HMCN2: variants seen among roughly 807,000 people sequenced by gnomAD.
HMCN2 encodes hemicentin 2.
A neutral mutation model predicts 377.5 loss-of-function variants in HMCN2; 325 were observed. The observed-to-expected ratio is 0.86, with a 90% CI of 0.79 to 0.94. The LOEUF (loss-of-function observed/expected upper bound fraction) is 0.94, where lower values mean the gene tolerates loss of function less well. Ranked by LOEUF, HMCN2 falls within the 40% of genes least tolerant of loss-of-function variation. HMCN2 has a pLI of 0.00. For synonymous variants in HMCN2, 2,007 were observed against 2,046.8 expected, an observed-to-expected ratio of 0.98 and a Z score of 0.53; for missense variants, 4,543 against 4,725.3, an observed-to-expected ratio of 0.96 and a Z score of 1.13.
intron 14 of HMCN2, among the ~76,000 whole-genome samples, chr9:130,307,819 T>C (rs1836969911): frequency 6.6e-6 from 1 of 152,208 alleles, no homozygotes; most frequent in South Asian, 2.1e-4. Context: ...CCGGCTTCCC[T>C]GGGTGACCCT....
intron 1 of HMCN2, among the ~76,000 whole-genome samples, chr9:130,270,291 G>GT (rs1257016426): frequency 3.2e-4 from 21 of 64,964 alleles, no homozygotes; most frequent in African/African-American, 9.8e-4. Flanking sequence ...TTGTTTGTTT[G>GT]TTTGTTTTTT....
chr9:130,427,204 C>G, intron 90 of HMCN2, 109 bp from the exon 91 acceptor site: 3 of 1,192,776 alleles, frequency 2.5e-6, no homozygotes, highest in Non-Finnish European at 3.6e-6. Context: ...CGTCTTGGCT[C>G]TGCCTGGCTA....
intron 4 of HMCN2, among the ~76,000 whole-genome samples, chr9:130,293,740 CATG>C (rs1835942343): frequency 6.6e-6 from 1 of 152,208 alleles, no homozygotes; most frequent in African/African-American, 2.4e-5. Context: ...CTGAGACACA[CATG>C]GGCACAGCAG....
chr9:130,309,549 A>G lies in HMCN2; in HGVS notation c.2201-363A>G, dbSNP rs563499938. Among the ~76,000 whole-genome samples the G allele has an allele frequency of 1.3e-4, 20 of 151,638 alleles. No individual in the cohort carries two copies. In the East Asian group the frequency reaches 3.7e-3, roughly 28 times the overall value. On this transcript the variant is annotated intron_variant, in intron 14 of 97. Coordinates refer to ENST00000683500, the MANE Select transcript of HMCN2 (RefSeq NM_001291815.2). ...AAAAAAAAAAAAAAGGAAAAAAAAG[A>G]AAAATGATGGCGGGCTCAGGGCTCC...
At chr9:130,286,520 AC>A (rs1200387708) in intron 4 of HMCN2, among the ~76,000 whole-genome samples, 1 of 152,156 alleles carries the variant, frequency 6.6e-6, no homozygotes, top group Non-Finnish European at 1.5e-5. Context: ...ATCTCGCCAA[AC>A]CCTTCCACCT....
chr9:130,407,601 C>A lies in HMCN2; in HGVS notation c.12584C>A (p.Thr4195Lys). ...GTGTCTGAGCAGGATGGAGGCAGCA[C>A]GCTGCAGCGGGCCGCTGTCTCCAGA... ...EGVSEQDGGS[T>K]LQRAAVSRED... is the part of the protein sequence containing the mutation. The change falls in exon 83 of 98, where the codon ACG becomes AAG. Residue 4195 changes from threonine (T) to lysine (K), a missense_variant. Around this residue, in one of 5 missense-constraint regions of HMCN2, gnomAD observed 1,073 missense variants for 1,319.5 expected, o/e 0.81. Coordinates refer to ENST00000683500, the MANE Select transcript of HMCN2 (RefSeq NM_001291815.2). 1 of 1,289,406 alleles carries A rather than the reference C, an allele frequency of 7.8e-7. No homozygotes were observed. Among genetic ancestry groups the A allele is most frequent in the African/African-American group, 1.5e-5 (1 of 65,970 alleles). The allele number at this position is 1,289,406 out of a possible 1,614,324, so 79.9% of individuals were successfully genotyped here. A position where few individuals can be genotyped will look rare whatever the true frequency, so the allele number is the denominator to read the frequency against.
Position 130,303,079 on chromosome 9 carries a change from G to T in HMCN2, c.1421+78G>T. ...GAGGCCCTGGAGGGATCTCAGGGGA[G>T]TGGGTGGCAGGAGAGAGACCTTGGT... On this transcript the variant is annotated intron_variant, in intron 9 of 97. Coordinates refer to ENST00000683500, the MANE Select transcript of HMCN2 (RefSeq NM_001291815.2). This position sits in a 1 kb window ranked among gnomAD's most constrained non-coding sequence, Gnocchi z 5.2. 1 of 379,418 alleles carries T rather than the reference G, an allele frequency of 2.6e-6. No homozygotes were observed. 23.5% of individuals were successfully genotyped at this position (379,418 alleles called of 1,614,324 possible).
intron 40 of HMCN2, 65 bp from the exon 41 acceptor site, chr9:130,364,649 G>T (rs1040320528): frequency 2.3e-6 from 2 of 881,026 alleles, no homozygotes; most frequent in Non-Finnish European, 2.7e-6. Flanking sequence ...GACCCAGGGT[G>T]TGGCCCCTCC....
At chr9:130,388,669 G>A in intron 62 of HMCN2, 129 bp downstream of exon 62, 1 of 411,452 alleles carries the variant, frequency 2.4e-6, no homozygotes. Flanking sequence ...GCAGTGCCGT[G>A]TTGCCCCCCC....
intron 1 of HMCN2, among the ~76,000 whole-genome samples, chr9:130,270,228 G>T (rs1588147908): frequency 7.0e-6 from 1 of 142,322 alleles, no homozygotes; most frequent in Non-Finnish European, 1.6e-5. Flanking sequence ...GAAATCTATT[G>T]TTTTTTTTCT....
rs368653420 is a variant in HMCN2, at chr9:130,402,992, G to A, written c.11878+96G>A. On this transcript the variant is annotated intron_variant, in intron 78 of 97. Transcript: ENST00000683500. Reference sequence around the variant, plus strand: ...GGGCTCAGGATGGAGGTGAGGCCCCGGGTCTCAGAGGCCCCGACCTGTCTC... The same window carrying A: ...GGGCTCAGGATGGAGGTGAGGCCCCAGGTCTCAGAGGCCCCGACCTGTCTC... 1.4e-4 allele frequency: 140 copies of A among 1,035,914 alleles called. 1 individual carries two copies. In the East Asian group the frequency reaches 7.5e-3, roughly 56 times the overall value. 64.2% of individuals were successfully genotyped at this position (1,035,914 alleles called of 1,614,324 possible).
At chr9:130,354,287 C>A (rs1382413251) in intron 31 of HMCN2, among the ~76,000 whole-genome samples, 1 of 152,142 alleles carries the variant, frequency 6.6e-6, no homozygotes, top group Non-Finnish European at 1.5e-5. Flanking sequence ...AACATCTGGT[C>A]CCCTTGGCCA....
At chr9:130,323,894 G>T (rs1837981663) in intron 19 of HMCN2, among the ~76,000 whole-genome samples, 1 of 152,020 alleles carries the variant, frequency 6.6e-6, no homozygotes, top group Non-Finnish European at 1.5e-5. Flanking sequence ...GTAGAGACGA[G>T]TTTCACCATG....
At chr9:130,340,675 C>T (rs988591019) in intron 23 of HMCN2, among the ~76,000 whole-genome samples, 12 of 152,180 alleles carry the variant, frequency 7.9e-5, no homozygotes, top group South Asian at 2.1e-4. Flanking sequence ...CGCGCCACCA[C>T]GCCCAGCTAA....
chr9:130,315,199 CT>C (rs1564777292), intron 15 of HMCN2, among the ~76,000 whole-genome samples: 20 of 6,980 alleles, frequency 2.9e-3, no homozygotes, highest in African/African-American at 0.012. Flanking sequence ...CCTCCCTCCC[CT>C]CCCTCCCCTC....
At position 130,265,776 on chromosome 9, in the gene HMCN2, G is replaced by T; in HGVS notation, c.-103G>T. On this transcript the variant is annotated 5_prime_UTR_variant, in exon 1 of 98. Transcript: ENST00000683500. ...ATCCCTCGCGCACTGGCCGCGGCCC[G>T]ACGGAGCAAGGCACTGCCTGCAGCC... is the stretch of plus-strand genomic sequence containing the variant. 1 of 226,948 alleles carries T rather than the reference G, an allele frequency of 4.4e-6. No individual in the cohort carries two copies. The highest frequency in any genetic ancestry group is 8.7e-6 in the Non-Finnish European group (1 of 114,332). The allele number at this position is 226,948 out of a possible 1,614,324, so 14.1% of individuals were successfully genotyped here.
intron 15 of HMCN2, among the ~76,000 whole-genome samples, chr9:130,317,449 T>G (rs1296262151): frequency 6.9e-6 from 1 of 145,270 alleles, no homozygotes; most frequent in Non-Finnish European, 1.5e-5. Flanking sequence ...CCAGCCTAGA[T>G]GATAGCGAGA....
chr9:130,407,341 G>A (rs369019762), intron 82 of HMCN2: 2 of 288,932 alleles, frequency 6.9e-6, no homozygotes, highest in Middle Eastern at 1.3e-3. Flanking sequence ...ACCTGCCCTT[G>A]ACCGTTTATC....
chr9:130,385,047 C>T (rs964150496), intron 59 of HMCN2, among the ~76,000 whole-genome samples: 1 of 152,192 alleles, frequency 6.6e-6, no homozygotes, highest in African/African-American at 2.4e-5. Context: ...TTTCAAGGCT[C>T]GTGGTCTTCA....
Sources: gnomAD v4.1 joint callset for allele counts (sites outside exome capture counted in the v4.1 genomes callset) on GRCh38, gnomAD v4.1.1 for gene constraint, gnomAD v4.1.1 regional missense constraint, Gnocchi (gnomAD v3.1) non-coding constraint, MANE v1.5 for transcripts, NCBI Gene and HGNC (gene_info 2026-07-23, HGNC 2026-07-21) for gene names.